Variants in NDUFAF2 observed in about 807,000 individuals in gnomAD.
The protein encoded by NDUFAF2 is NADH:ubiquinone oxidoreductase complex assembly factor 2, also known as NADH dehydrogenase [ubiquinone] 1 alpha subcomplex assembly factor 2.
In NDUFAF2, 13 loss-of-function variants were observed where a neutral mutation model predicts 22.8. The observed-to-expected ratio is 0.57, with a 90% CI of 0.37 to 0.91. NDUFAF2 has a LOEUF of 0.91. Ranked by LOEUF, NDUFAF2 falls within the 40% of genes least tolerant of loss-of-function variation. The pLI, the probability that NDUFAF2 is intolerant of heterozygous loss-of-function variation, is 0.01. For synonymous variants in NDUFAF2, 53 were observed against 64.2 expected (o/e 0.83, Z 0.84); for missense variants, 162 against 195.2 (o/e 0.83, Z 1.01).
intron 1 of NDUFAF2, among the ~76,000 whole-genome samples, chr5:61,037,547 A>G (rs1489126512): frequency 6.6e-6 from 1 of 152,216 alleles, no homozygotes; most frequent in Non-Finnish European, 1.5e-5. Flanking sequence ...GTGTTCTGCA[A>G]TGAAATAAAT....
chr5:61,125,503 A>G (rs1240510902), intron 3 of NDUFAF2, among the ~76,000 whole-genome samples: 2 of 152,048 alleles, frequency 1.3e-5, no homozygotes, highest in African/African-American at 4.8e-5. Context: ...ATGTGCCTAT[A>G]GTTCTTATTT....
chr5:60,958,600 T>G (rs867964784), intron 1 of NDUFAF2, among the ~76,000 whole-genome samples: 20 of 152,264 alleles, frequency 1.3e-4, no homozygotes, highest in Middle Eastern at 6.8e-3. Context: ...TTAAATGTAC[T>G]TTATATGCAT....
At chr5:60,947,697 C>T (rs1456771024) in intron 1 of NDUFAF2, among the ~76,000 whole-genome samples, 1 of 141,612 alleles carries the variant, frequency 7.1e-6, no homozygotes, top group African/African-American at 2.6e-5. Context: ...ACCTGGGAGG[C>T]GGATGTTGCA....
At chr5:61,121,355 T>C (rs1752973833) in intron 3 of NDUFAF2, among the ~76,000 whole-genome samples, 2 of 152,180 alleles carry the variant, frequency 1.3e-5, no homozygotes, top group South Asian at 4.1e-4. Context: ...GAGCAGAGTT[T>C]TTGAATCTGT....
chr5:61,031,603 A>G (rs1160083146), intron 1 of NDUFAF2, among the ~76,000 whole-genome samples: 1 of 151,800 alleles, frequency 6.6e-6, no homozygotes, highest in Non-Finnish European at 1.5e-5. Context: ...ATGGTACCAC[A>G]TTTTCTTTAT....
intron 1 of NDUFAF2, among the ~76,000 whole-genome samples, chr5:61,030,613 C>T (rs1751710908): frequency 6.6e-6 from 1 of 151,880 alleles, no homozygotes; most frequent in African/African-American, 2.4e-5. Context: ...TAGCTGTTTT[C>T]TTTCTTAGCA....
chr5:61,055,812 A>G (rs1057439945), intron 1 of NDUFAF2, among the ~76,000 whole-genome samples: 1 of 152,254 alleles, frequency 6.6e-6, no homozygotes, highest in African/African-American at 2.4e-5. Context: ...TTAAATTTCC[A>G]TGTAAAAATT....
At chr5:61,113,543 T>C (rs1211473263) in intron 3 of NDUFAF2, among the ~76,000 whole-genome samples, 1 of 151,988 alleles carries the variant, frequency 6.6e-6, no homozygotes, top group African/African-American at 2.4e-5. Context: ...ATCATAGGGG[T>C]GGTTACCTCT....
chr5:60,978,295 C>T (rs1750930143), intron 1 of NDUFAF2, among the ~76,000 whole-genome samples: 2 of 152,204 alleles, frequency 1.3e-5, no homozygotes, highest in South Asian at 4.2e-4. Flanking sequence ...CCTTGATAAA[C>T]TTGACAGACA....
chr5:61,076,097 A>G (rs933687994), intron 2 of NDUFAF2, among the ~76,000 whole-genome samples: 1 of 152,028 alleles, frequency 6.6e-6, no homozygotes, highest in Non-Finnish European at 1.5e-5. Context: ...TTTAAGATGG[A>G]GTCTCGCTCT....
chr5:61,061,671 A>G (rs951216047), intron 1 of NDUFAF2, among the ~76,000 whole-genome samples: 1 of 152,190 alleles, frequency 6.6e-6, no homozygotes, highest in Non-Finnish European at 1.5e-5. Flanking sequence ...ATCAGGTCCC[A>G]GGTGCTATAG....
At chr5:61,004,304 G>A (rs143050260) in intron 1 of NDUFAF2, among the ~76,000 whole-genome samples, 1 of 152,000 alleles carries the variant, frequency 6.6e-6, no homozygotes, top group Non-Finnish European at 1.5e-5. Context: ...AAATCAATGA[G>A]TTAGTACCAT....
At chr5:60,945,682 A>G (rs1486498918) in intron 1 of NDUFAF2, among the ~76,000 whole-genome samples, 1 of 152,156 alleles carries the variant, frequency 6.6e-6, no homozygotes, top group Non-Finnish European at 1.5e-5. Flanking sequence ...CTTTCCTCCC[A>G]GCCACGCCTG....
chr5:61,011,297 T>C lies in NDUFAF2; in HGVS notation c.128-61828T>C, dbSNP rs143234010. ...TGTGTACTCATGCCTCCAGCTTCCC[T>C]TGTAGCCAGGCCATGGACATATGAT... is the stretch of plus-strand genomic sequence containing the variant. On this transcript the variant is annotated intron_variant, in intron 1 of 3. Coordinates refer to ENST00000296597, the MANE Select transcript of NDUFAF2 (RefSeq NM_174889.5). Among the ~76,000 whole-genome samples the C allele has an allele frequency of 4.2e-3, 642 of 152,208 alleles. 5 individuals carry two copies. The highest frequency in any genetic ancestry group is 6.7e-3 in the Non-Finnish European group (453 of 67,992).
chr5:61,062,840 T>C (rs1752182260), intron 1 of NDUFAF2, among the ~76,000 whole-genome samples: 2 of 152,098 alleles, frequency 1.3e-5, no homozygotes, highest in Admixed American at 6.6e-5. Flanking sequence ...AAATCTCCAT[T>C]AGACTGTCAG....
chr5:61,049,596 C>T (rs994588562), intron 1 of NDUFAF2, among the ~76,000 whole-genome samples: 1 of 151,986 alleles, frequency 6.6e-6, no homozygotes, highest in East Asian at 1.9e-4. Flanking sequence ...AACAACAAGT[C>T]TTCATTCTTC....
intron 1 of NDUFAF2, among the ~76,000 whole-genome samples, chr5:61,043,294 T>C (rs1329933925): frequency 3.9e-5 from 6 of 152,050 alleles, no homozygotes; most frequent in Non-Finnish European, 1.5e-5. Flanking sequence ...GTATTTCGAG[T>C]GCAGTGAAAA....
At position 61,105,555 on chromosome 5, in the gene NDUFAF2, G is replaced by GA. The variant is rs903009606; in HGVS notation, c.258+6533dup. Among the ~76,000 whole-genome samples, 79 of 96,766 alleles carry GA rather than the reference G, an allele frequency of 8.2e-4. 1 individual carries two copies. The highest frequency in any genetic ancestry group is 1.7e-3 in the Admixed American group (15 of 8,984). The allele number at this position is 96,766 out of a possible 152,430, so 63.5% of individuals were successfully genotyped here. ...TTAAACATCATTCATTAAAATGAAT[G>GA]AAAAAAAAAACTTAAGAATGAACTG... On this transcript the variant is annotated intron_variant, in intron 3 of 3. Transcript: ENST00000296597.
chr5:61,130,827 A>G (rs1054649806), intron 3 of NDUFAF2, among the ~76,000 whole-genome samples: 1 of 152,158 alleles, frequency 6.6e-6, no homozygotes, highest in African/African-American at 2.4e-5. Flanking sequence ...CAGATGGCCA[A>G]GGGAGTTTAT....
Sources: gnomAD v4.1 joint callset for allele counts (sites outside exome capture counted in the v4.1 genomes callset) on GRCh38, gnomAD v4.1.1 for gene constraint, MANE v1.5 for transcripts, NCBI Gene and HGNC (gene_info 2026-07-23, HGNC 2026-07-21) for gene names.